The following MDH1B variants were observed in gnomAD, a reference collection of about 807,000 sequenced individuals.
The protein encoded by MDH1B is putative malate dehydrogenase 1B.
In MDH1B, 60 loss-of-function variants were observed where a neutral mutation model predicts 61.4. The ratio of observed to expected loss-of-function variants is 0.98; its 90% CI spans 0.79 to 1.21. MDH1B has a LOEUF of 1.21. MDH1B is among the 50% of genes most tolerant of loss of function. The pLI, the probability that MDH1B is intolerant of heterozygous loss-of-function variation, is 0.00. For missense variants in MDH1B, 587 were observed against 632.1 expected (o/e 0.93, Z 0.76); for synonymous variants, 236 against 218.7 (o/e 1.08, Z -0.70).
intron 10 of MDH1B, among the ~76,000 whole-genome samples, chr2:206,740,084 C>T (rs1215177730): frequency 6.6e-6 from 1 of 152,092 alleles, no homozygotes; most frequent in Non-Finnish European, 1.5e-5. Context: ...AGAAAAAATA[C>T]AATTCTCTAC....
At chr2:206,757,843 T>C (rs1688852047) in intron 2 of MDH1B, among the ~76,000 whole-genome samples, 3 of 152,236 alleles carry the variant, frequency 2.0e-5, no homozygotes, top group African/African-American at 7.2e-5. Context: ...TTTGGAGATT[T>C]CCGACAATAT....
chr2:206,762,477 A>G (rs1219912626), intron 1 of MDH1B, among the ~76,000 whole-genome samples: 2 of 152,128 alleles, frequency 1.3e-5, no homozygotes. Flanking sequence ...AACCTTGCTT[A>G]GTTAATTATC....
intron 5 of MDH1B, 58 bp from the exon 6 acceptor site, chr2:206,751,133 G>A (rs61258471): frequency 0.088 from 111,893 of 1,278,104 alleles, 6,220 homozygotes; most frequent in African/African-American, 0.26. Context: ...ATAAAAAATT[G>A]CCTGAAGCCT....
chr2:206,749,327 CAA>C, intron 6 of MDH1B, 144 bp from the exon 7 acceptor site: 1 of 667,214 alleles, frequency 1.5e-6, no homozygotes, highest in Non-Finnish European at 2.4e-6. Context: ...TGTCTTTCCT[CAA>C]GTGTCTTTGA....
In MDH1B at chr2:206,738,515, TA is replaced by T; in HGVS notation, c.1529-5del. The T allele has an allele frequency of 6.3e-7, 1 of 1,576,758 alleles. No individual in the cohort carries two copies. Among genetic ancestry groups the T allele is most frequent in the Non-Finnish European group, 8.7e-7 (1 of 1,155,058 alleles). ...TCCACGGTTTTGCCTTCAAATTCTG[TA>T]AAAGGAAAAGAATGAAAAGACATAA... On this transcript the variant is annotated splice_polypyrimidine_tract_variant and splice_region_variant and intron_variant, in intron 11 of 11. Coordinates refer to ENST00000374412, the MANE Select transcript of MDH1B (RefSeq NM_001039845.3).
At chr2:206,755,643 C>A in intron 4 of MDH1B, 138 bp from the exon 5 acceptor site, 3 of 1,080,228 alleles carry the variant, frequency 2.8e-6, no homozygotes, top group Non-Finnish European at 2.5e-6. Context: ...GCTGCCCTGA[C>A]ATTCTAAGGC....
At chr2:206,759,052 GGTTT>G (rs111703822) in intron 2 of MDH1B, among the ~76,000 whole-genome samples, 18,487 of 151,408 alleles carry the variant, frequency 0.12, 1,633 homozygotes, top group African/African-American at 0.26. Context: ...GTGTCATGGG[GGTTT>G]GTTTTACAAA....
intron 5 of MDH1B, among the ~76,000 whole-genome samples, chr2:206,751,817 C>A (rs1010449412): frequency 2.4e-4 from 37 of 152,264 alleles, no homozygotes; most frequent in African/African-American, 8.4e-4. Context: ...TCATTGTTAA[C>A]TGTCTAGGAA....
intron 5 of MDH1B, among the ~76,000 whole-genome samples, chr2:206,751,537 TG>T (rs1688444507): frequency 6.6e-6 from 1 of 152,174 alleles, no homozygotes; most frequent in African/African-American, 2.4e-5. Flanking sequence ...AACTCTCTGA[TG>T]GGTTTCATCT....
chr2:206,765,240 G>A lies in MDH1B; in HGVS notation c.22+10C>T. On this transcript the variant is annotated intron_variant, in intron 1 of 11. Coordinates refer to ENST00000374412, the MANE Select transcript of MDH1B (RefSeq NM_001039845.3). ...TGAGCAATCTGCGGGCGGACGCGGG[G>A]ATCACTCACCCGCGATGACGAATTT... is the stretch of plus-strand genomic sequence containing the variant. 6.2e-7 allele frequency: 1 copy of A among 1,601,896 alleles called. No homozygotes were observed. Among genetic ancestry groups the A allele is most frequent in the Non-Finnish European group, 8.5e-7 (1 of 1,176,046 alleles).
intron 5 of MDH1B, among the ~76,000 whole-genome samples, chr2:206,751,750 T>A (rs944679305): frequency 1.9e-4 from 29 of 152,122 alleles, no homozygotes; most frequent in Admixed American, 1.9e-3. Flanking sequence ...TGCTAAGAAG[T>A]AAAATAAGAC....
At chr2:206,764,211 T>A (rs552745478) in intron 1 of MDH1B, among the ~76,000 whole-genome samples, 2 of 151,692 alleles carry the variant, frequency 1.3e-5, no homozygotes, top group East Asian at 3.9e-4. Context: ...GGTGGGAGGA[T>A]CGCTTGAGCC....
At chr2:206,761,258 A>C (rs756760408) in intron 1 of MDH1B, among the ~76,000 whole-genome samples, 1 of 152,162 alleles carries the variant, frequency 6.6e-6, no homozygotes, top group Non-Finnish European at 1.5e-5. Context: ...ACCCTACTGA[A>C]TATTTATTCT....
rs76269607 is a variant in MDH1B, at chr2:206,761,520, C to G, written c.23-507G>C. On this transcript the variant is annotated intron_variant, in intron 1 of 11. Coordinates refer to ENST00000374412, the MANE Select transcript of MDH1B (RefSeq NM_001039845.3). ...ATGCTGACCTTAACTAGAGAAAAAT[C>G]ATGAATGAGAAATTTAACTTTAGTC... Among the ~76,000 whole-genome samples, 1,483 of 152,180 alleles carry G rather than the reference C, an allele frequency of 9.7e-3. 24 individuals carry two copies. The highest frequency in any genetic ancestry group is 0.033 in the African/African-American group (1,355 of 41,494).
At chr2:206,754,137 C>A (rs1464349419) in intron 5 of MDH1B, among the ~76,000 whole-genome samples, 1 of 151,980 alleles carries the variant, frequency 6.6e-6, no homozygotes, top group Non-Finnish European at 1.5e-5. Flanking sequence ...TTCATTGTAA[C>A]AAAAAAGAAA....
chr2:206,751,944 C>T lies in MDH1B; in HGVS notation c.911-869G>A, dbSNP rs539797491. 5.3e-5 allele frequency among the ~76,000 whole-genome samples: 8 copies of T among 152,318 alleles called. No individual in the cohort carries two copies. In the East Asian group the frequency reaches 1.5e-3, roughly 29 times the overall value. On this transcript the variant is annotated intron_variant, in intron 5 of 11. Coordinates refer to ENST00000374412, the MANE Select transcript of MDH1B (RefSeq NM_001039845.3). ...TACTGTGGAGATTAACTTCTTCCCTCTTCTCCTGTATAAGATTGCTTTTGT... is the reference window on the plus strand; with the variant it reads ...TACTGTGGAGATTAACTTCTTCCCTTTTCTCCTGTATAAGATTGCTTTTGT...
intron 10 of MDH1B, among the ~76,000 whole-genome samples, chr2:206,740,778 G>C (rs1238135731): frequency 3.9e-5 from 6 of 152,168 alleles, no homozygotes; most frequent in African/African-American, 4.8e-5. Context: ...GAAGAAAAGG[G>C]AAAGGTGAGA....
chr2:206,759,308 A>G (rs984915956), intron 2 of MDH1B, among the ~76,000 whole-genome samples: 3 of 152,194 alleles, frequency 2.0e-5, no homozygotes, highest in Non-Finnish European at 4.4e-5. Flanking sequence ...TGCAAAGGAC[A>G]TGATCTCATT....
chr2:206,747,672 G>A (rs1290189605), intron 7 of MDH1B, among the ~76,000 whole-genome samples: 1 of 152,158 alleles, frequency 6.6e-6, no homozygotes, highest in Admixed American at 6.5e-5. Flanking sequence ...ATCAAAAACA[G>A]GCACACTATA....
Sources: allele counts gnomAD v4.1 joint callset (sites outside exome capture counted in the v4.1 genomes callset), GRCh38; gene constraint gnomAD v4.1.1; transcripts MANE v1.5; gene names NCBI Gene and HGNC (gene_info 2026-07-23, HGNC 2026-07-21).